THSD7A: variants seen among roughly 807,000 people sequenced by gnomAD.
THSD7A encodes the protein thrombospondin type-1 domain-containing protein 7A.
In THSD7A, 96 loss-of-function variants were observed where a neutral mutation model predicts 231.3. That is an observed-to-expected ratio of 0.41 (90% confidence interval 0.35 to 0.49). THSD7A has a LOEUF of 0.49. Among genes scored for constraint, THSD7A ranks in the 20% least tolerant of loss-of-function variants. The pLI, the probability that THSD7A is intolerant of heterozygous loss-of-function variation, is 0.05. For missense variants in THSD7A, 2,290 were observed against 2,070.2 expected (o/e 1.11, Z -2.06); for synonymous variants, 940 against 743.3 (o/e 1.26, Z -4.30).
chr7:11,540,937 T>C (rs1431269371), intron 6 of THSD7A, among the ~76,000 whole-genome samples: 1 of 152,130 alleles, frequency 6.6e-6, no homozygotes, highest in Non-Finnish European at 1.5e-5. Context: ...GCCTCGTGGA[T>C]TGGGAGCCTG....
intron 1 of THSD7A, among the ~76,000 whole-genome samples, chr7:11,680,929 C>A (rs560180253): frequency 7.9e-5 from 12 of 152,114 alleles, no homozygotes; most frequent in Non-Finnish European, 1.5e-4. Context: ...CTTTTCACAA[C>A]AACAAAGACT....
intron 23 of THSD7A, among the ~76,000 whole-genome samples, chr7:11,399,191 T>C (rs1268415104): frequency 2.0e-5 from 3 of 152,240 alleles, no homozygotes; most frequent in Non-Finnish European, 4.4e-5. Context: ...TGTGTGCATA[T>C]GTGAGTATGT....
chr7:11,798,527 AT>A (rs1307411367), intron 1 of THSD7A, among the ~76,000 whole-genome samples: 3 of 152,052 alleles, frequency 2.0e-5, no homozygotes, highest in African/African-American at 7.2e-5. Flanking sequence ...AAATATGCAA[AT>A]AAAAATTGTA....
At chr7:11,827,522 C>T (rs1412936517) in intron 1 of THSD7A, among the ~76,000 whole-genome samples, 3 of 151,982 alleles carry the variant, frequency 2.0e-5, no homozygotes, top group African/African-American at 7.3e-5. Context: ...TGTCATTTGC[C>T]TTGTACCTTT....
At chr7:11,609,519 T>C (rs981436218) in intron 2 of THSD7A, among the ~76,000 whole-genome samples, 11 of 152,184 alleles carry the variant, frequency 7.2e-5, no homozygotes, top group Admixed American at 6.5e-4. Context: ...AACTGGTTTA[T>C]TTCAGATAGA....
In THSD7A at chr7:11,379,099, C is replaced by G. The variant is rs1306166866; in HGVS notation, c.4772G>C (p.Arg1591Thr). 3 of 1,613,496 alleles carry G rather than the reference C, an allele frequency of 1.9e-6. No homozygotes were observed. Among genetic ancestry groups the G allele is most frequent in the South Asian group, 1.1e-5 (1 of 91,074 alleles). The part of the protein sequence containing the change: ...QPSSNPAGRG[R>T]TWFLQPFGPD... ...CCCAAATGGCTGTAGAAACCAGGTC[C>G]TTCCCCGTCCTGCTGGGTTACTGGA... The change falls in exon 26 of 28, where the codon AGG becomes ACG. Residue 1591 changes from arginine to threonine, a missense_variant. Transcript: ENST00000423059.
intron 23 of THSD7A, among the ~76,000 whole-genome samples, chr7:11,400,284 C>T (rs1051302604): frequency 6.6e-6 from 1 of 151,992 alleles, no homozygotes; most frequent in Admixed American, 6.6e-5. Flanking sequence ...ATGTTGTGCA[C>T]ATGTACCTTA....
intron 4 of THSD7A, among the ~76,000 whole-genome samples, chr7:11,588,379 A>G (rs967954821): frequency 6.6e-6 from 1 of 152,144 alleles, no homozygotes; most frequent in Non-Finnish European, 1.5e-5. Flanking sequence ...AGACTTTAAG[A>G]AGTTCGTTAG....
intron 1 of THSD7A, among the ~76,000 whole-genome samples, chr7:11,782,388 G>A (rs1022547901): frequency 6.6e-6 from 1 of 151,990 alleles, no homozygotes; most frequent in African/African-American, 2.4e-5. Context: ...GATAAAGAAA[G>A]CTTTTAATTA....
intron 6 of THSD7A, among the ~76,000 whole-genome samples, chr7:11,532,909 A>T (rs2128319872): frequency 6.6e-6 from 1 of 152,286 alleles, no homozygotes; most frequent in East Asian, 1.9e-4. Flanking sequence ...CCTAAGGTAA[A>T]AATTAATCTG....
In THSD7A at chr7:11,474,449, C is replaced by A. The variant is rs776947965; in HGVS notation, c.2137G>T (p.Val713Leu). 6.2e-7 allele frequency: 1 copy of A among 1,613,644 alleles called. No individual in the cohort carries two copies. The highest frequency in any genetic ancestry group is 8.5e-7 in the Non-Finnish European group (1 of 1,179,628). Residue 713 changes from valine (V) to leucine (L), a missense_variant, in exon 8 of 28, where the codon GTA (valine) becomes TTA (leucine). Coordinates refer to ENST00000423059, the MANE Select transcript of THSD7A (RefSeq NM_015204.3). The surrounding 1 kb of genome is among the most constrained non-coding windows in gnomAD (Gnocchi z 4.1). ...PWGQCIEDTS[V>L]SSFNTTTTWN... Reference sequence around the variant, plus strand: ...GTCGTAGTTGTGTTGAAGGACGATACTGAGGTGTCCTCAATGCACTGGCCC... The same window carrying A: ...GTCGTAGTTGTGTTGAAGGACGATAATGAGGTGTCCTCAATGCACTGGCCC...
intron 11 of THSD7A, among the ~76,000 whole-genome samples, chr7:11,457,425 G>A (rs780213208): frequency 1.3e-5 from 2 of 151,894 alleles, no homozygotes; most frequent in Non-Finnish European, 2.9e-5. Context: ...TCTATTGTCT[G>A]CTACTAAGTC....
chr7:11,445,793 C>T (rs1158726534), intron 13 of THSD7A, among the ~76,000 whole-genome samples: 1 of 151,966 alleles, frequency 6.6e-6, no homozygotes, highest in Non-Finnish European at 1.5e-5. Context: ...ACCGTTCTGG[C>T]ACCAGTTTTG....
intron 4 of THSD7A, among the ~76,000 whole-genome samples, chr7:11,551,276 G>A (rs1048435162): frequency 6.6e-6 from 1 of 152,046 alleles, no homozygotes; most frequent in African/African-American, 2.4e-5. Flanking sequence ...TCTGGACATA[G>A]GCCCCAGCAA....
intron 1 of THSD7A, among the ~76,000 whole-genome samples, chr7:11,761,365 A>G (rs1238159602): frequency 6.6e-6 from 1 of 152,124 alleles, no homozygotes; most frequent in African/African-American, 2.4e-5. Flanking sequence ...GTCAATATAT[A>G]ACATCTTTGC....
intron 1 of THSD7A, among the ~76,000 whole-genome samples, chr7:11,639,965 C>A (rs982593156): frequency 6.6e-6 from 1 of 152,098 alleles, no homozygotes; most frequent in Non-Finnish European, 1.5e-5. Flanking sequence ...TGGCTTACTT[C>A]TAAGTTCATT....
In THSD7A at chr7:11,590,647, T is replaced by C. The variant is rs745332928; in HGVS notation, c.1272-6A>G. On this transcript the variant is annotated splice_polypyrimidine_tract_variant and splice_region_variant and intron_variant, in intron 3 of 27. Coordinates refer to ENST00000423059, the MANE Select transcript of THSD7A (RefSeq NM_015204.3). The surrounding 1 kb of genome is among the most constrained non-coding windows in gnomAD (Gnocchi z 4.4). ...CTGTAGTTCTCCAGCCATACCTAAA[T>C]AAAGACAACACCACCAGCAGCAACC... The C allele has an allele frequency of 1.1e-5, 18 of 1,595,868 alleles. No individual in the cohort carries two copies. Among genetic ancestry groups the C allele is most frequent in the Non-Finnish European group, 7.7e-6 (9 of 1,170,860 alleles).
intron 1 of THSD7A, among the ~76,000 whole-genome samples, chr7:11,728,006 G>A (rs13307585): frequency 0.29 from 43,343 of 151,802 alleles, 7,427 homozygotes; most frequent in Admixed American, 0.4. Flanking sequence ...AAGAAGTTCT[G>A]AAGTGTTGTA....
intron 2 of THSD7A, among the ~76,000 whole-genome samples, chr7:11,611,602 G>A (rs553629693): frequency 6.6e-6 from 1 of 151,650 alleles, no homozygotes; most frequent in African/African-American, 2.4e-5. Flanking sequence ...GTCCAGAAAA[G>A]CTACTATGAA....
Sources: allele counts gnomAD v4.1 joint callset (sites outside exome capture counted in the v4.1 genomes callset), GRCh38; gene constraint gnomAD v4.1.1; non-coding constraint Gnocchi (gnomAD v3.1); transcripts MANE v1.5; gene names NCBI Gene and HGNC (gene_info 2026-07-23, HGNC 2026-07-21).